The following FOXP4 variants were observed in gnomAD, a reference collection of about 807,000 sequenced individuals.
The protein encoded by FOXP4 is forkhead box protein P4.
In FOXP4, 25 loss-of-function variants were observed where a neutral mutation model predicts 82.6. The ratio of observed to expected loss-of-function variants is 0.30; its 90% CI spans 0.22 to 0.42. The LOEUF (loss-of-function observed/expected upper bound fraction) is 0.42, where lower values mean the gene tolerates loss of function less well. FOXP4 is among the 10% of genes least tolerant of loss of function. The pLI is 1.00. For missense variants in FOXP4, 785 were observed against 900.9 expected (o/e 0.87, Z 1.65); for synonymous variants, 415 against 388.2 (o/e 1.07, Z -0.81).
At chr6:41,596,862 G>A (rs1292088525) in intron 14 of FOXP4, among the ~76,000 whole-genome samples, 6 of 151,994 alleles carry the variant, frequency 3.9e-5, no homozygotes, top group African/African-American at 1.5e-4. Flanking sequence ...GGGTGGGGGG[G>A]CAGCATGCTG....
At chr6:41,595,295 G>A (rs541288765) in intron 14 of FOXP4, among the ~76,000 whole-genome samples, 1 of 152,378 alleles carries the variant, frequency 6.6e-6, no homozygotes, top group South Asian at 2.1e-4. Flanking sequence ...CCTGGCCAGA[G>A]CTGGCACACA....
rs750082991 is a variant in FOXP4 at position 41,590,065 on chromosome 6, C to T, written c.1252C>T (p.Pro418Ser). 2 of 1,613,936 alleles carry T rather than the reference C, an allele frequency of 1.2e-6. No individual in the cohort carries two copies. Among genetic ancestry groups the T allele is most frequent in the Non-Finnish European group, 8.5e-7 (1 of 1,179,974 alleles). Reference protein sequence around the residue: ...LVHPPTSAAAPVTPLRPPGLG... With the variant: ...LVHPPTSAAASVTPLRPPGLG... ...GCACCCCCCGACCTCGGCCGCAGCCCCTGTCACCCCTCTACGGCCCCCTGG... is the reference window on the plus strand; with the variant it reads ...GCACCCCCCGACCTCGGCCGCAGCCTCTGTCACCCCTCTACGGCCCCCTGG... The change falls in exon 11 of 17, where the codon CCT becomes TCT. Residue 418 changes from proline to serine, a missense_variant. Pro to Ser is a moderately conservative substitution (Grantham distance 74). This residue lies in a region of FOXP4 where 570 missense variants were observed against 634.0 expected (regional missense o/e 0.90). Coordinates refer to ENST00000307972, the MANE Select transcript of FOXP4 (RefSeq NM_001012426.2).
At position 41,598,846 on chromosome 6, in the gene FOXP4, G is replaced by A. The variant is rs771472062; in HGVS notation, c.1953G>A (p.Gly651=). ...AGGCAGAGGAAGACAGGCAGCCCGG[G>A]CCTCCCCTGGGCGCCCCTAACCCCA... is the stretch of plus-strand genomic sequence containing the variant. ...PAEAEEDRQP[G]PPLGAPNPSA... is the part of the protein sequence containing the mutation. The change falls in exon 17 of 17, where the codon GGG becomes GGA. Residue 651 remains glycine, a synonymous_variant. Coordinates refer to ENST00000307972, the MANE Select transcript of FOXP4 (RefSeq NM_001012426.2). 9 of 1,585,908 alleles carry A rather than the reference G, an allele frequency of 5.7e-6. No homozygotes were observed. The highest frequency in any genetic ancestry group is 6.9e-6 in the Non-Finnish European group (8 of 1,167,496).
Position 41,599,066 on chromosome 6 carries a change from C to A in FOXP4, c.*130C>A. 1.6e-6 allele frequency: 2 copies of A among 1,258,686 alleles called. No individual in the cohort carries two copies. The highest frequency in any genetic ancestry group is 2.2e-6 in the Non-Finnish European group (2 of 928,434). The allele number at this position is 1,258,686 out of a possible 1,614,324, so 78.0% of individuals were successfully genotyped here. A position where few individuals can be genotyped will look rare whatever the true frequency, so the allele number is the denominator to read the frequency against. ...AGGACTCAGACCGGGGAGGCCCGGG[C>A]CAGCAGCTCCCAGTGTGACCTGACA... On this transcript the variant is annotated 3_prime_UTR_variant, in exon 17 of 17. Transcript: ENST00000307972.
At chr6:41,581,755 A>C (rs1000289149) in intron 3 of FOXP4, among the ~76,000 whole-genome samples, 2 of 152,206 alleles carry the variant, frequency 1.3e-5, no homozygotes, top group African/African-American at 4.8e-5. Context: ...ATCCATCCAG[A>C]TCTCTGTAGC....
intron 2 of FOXP4, among the ~76,000 whole-genome samples, chr6:41,576,895 C>T (rs1371826359): frequency 1.3e-5 from 2 of 152,174 alleles, no homozygotes; most frequent in African/African-American, 4.8e-5. Flanking sequence ...CACTGGCTCC[C>T]AAGGGGGTCT....
At chr6:41,575,037 C>T (rs934575173) in intron 2 of FOXP4, among the ~76,000 whole-genome samples, 42 of 152,136 alleles carry the variant, frequency 2.8e-4, no homozygotes, top group South Asian at 2.1e-4. Flanking sequence ...GGTGCCACCT[C>T]GGCTCACTGC....
intron 5 of FOXP4, among the ~76,000 whole-genome samples, 187 bp downstream of exon 5, chr6:41,585,704 A>G (rs557352237): frequency 6.6e-6 from 1 of 152,094 alleles, no homozygotes; most frequent in South Asian, 2.1e-4. Context: ...ATCTCCCCTC[A>G]TCCCCATTCA....
At chr6:41,551,351 C>G (rs1203028084) in intron 1 of FOXP4, among the ~76,000 whole-genome samples, 1 of 152,192 alleles carries the variant, frequency 6.6e-6, no homozygotes, top group Admixed American at 6.5e-5. Context: ...GATCCTGGTC[C>G]CAGGATCCCT....
Position 41,593,052 on chromosome 6 carries a change from C to T in FOXP4, c.1536+1730C>T, listed in dbSNP as rs1328254347. Among the ~76,000 whole-genome samples, 3 of 152,196 alleles carry T rather than the reference C, an allele frequency of 2.0e-5. No individual in the cohort carries two copies. Among genetic ancestry groups the T allele is most frequent in the African/African-American group, 7.2e-5 (3 of 41,460 alleles). On this transcript the variant is annotated intron_variant, in intron 13 of 16. Transcript: ENST00000307972. This position sits in a 1 kb window ranked among gnomAD's most constrained non-coding sequence, Gnocchi z 4.1. ...CTGAGGCCACTGCCTGAGCCTTCCTCATGGCACAGCAGAATCCATCCAGCT... is the reference window on the plus strand; with the variant it reads ...CTGAGGCCACTGCCTGAGCCTTCCTTATGGCACAGCAGAATCCATCCAGCT...
chr6:41,580,798 C>T (rs1765755042), intron 3 of FOXP4, among the ~76,000 whole-genome samples: 1 of 152,150 alleles, frequency 6.6e-6, no homozygotes, highest in African/African-American at 2.4e-5. Flanking sequence ...GAAGGGAGAT[C>T]AAGCGCAGCT....
Position 41,558,925 on chromosome 6 carries a change from G to A in FOXP4, c.-16-6820G>A, listed in dbSNP as rs1284078812. Among the ~76,000 whole-genome samples, 1 of 152,230 alleles carries A rather than the reference G, an allele frequency of 6.6e-6. No homozygotes were observed. The highest frequency in any genetic ancestry group is 1.5e-5 in the Non-Finnish European group (1 of 68,046). ...AGAAGGAACTAGAAGACATCCTTGT[G>A]CTCTGGTATCCACATGTGTATCTTT... On this transcript the variant is annotated intron_variant, in intron 1 of 16. Transcript: ENST00000307972. The surrounding 1 kb of genome is among the most constrained non-coding windows in gnomAD (Gnocchi z 4.0).
chr6:41,568,536 G>T (rs368857853), intron 2 of FOXP4, among the ~76,000 whole-genome samples: 1 of 152,222 alleles, frequency 6.6e-6, no homozygotes, highest in South Asian at 2.1e-4. Context: ...GAGTAAATTA[G>T]AGCATTTCAT....
At chr6:41,590,452 G>A in intron 12 of FOXP4, 105 bp downstream of exon 12, 1 of 1,219,494 alleles carries the variant, frequency 8.2e-7, no homozygotes, top group Non-Finnish European at 1.2e-6. Flanking sequence ...AAGCAATGGA[G>A]CTGTCCCGCT....
intron 2 of FOXP4, among the ~76,000 whole-genome samples, chr6:41,576,129 C>G (rs1363816585): frequency 6.7e-6 from 1 of 148,480 alleles, no homozygotes; most frequent in Non-Finnish European, 1.5e-5. Context: ...TGAAGTGAAT[C>G]TGGAAGAGGA....
At chr6:41,565,598 G>T (rs1764828021) in intron 1 of FOXP4, 147 bp from the exon 2 acceptor site, 2 of 699,206 alleles carry the variant, frequency 2.9e-6, no homozygotes, top group Non-Finnish European at 4.8e-6. Context: ...ATTCCATCAG[G>T]CATCCCAGGA....
intron 2 of FOXP4, among the ~76,000 whole-genome samples, chr6:41,574,769 G>A (rs547115376): frequency 6.6e-6 from 1 of 152,288 alleles, no homozygotes; most frequent in South Asian, 2.1e-4. Context: ...TGGTGCAGCA[G>A]CGTGGTCGAT....
In FOXP4 at chr6:41,587,348, C is replaced by T. The variant is rs199781164; in HGVS notation, c.708C>T (p.Ala236=). The T allele has an allele frequency of 6.2e-7, 1 of 1,610,842 alleles. No homozygotes were observed. Among genetic ancestry groups the T allele is most frequent in the Non-Finnish European group, 8.5e-7 (1 of 1,178,418 alleles). The change falls in exon 7 of 17, where the codon GCC becomes GCT. Residue 236 remains alanine (A), a synonymous_variant. Transcript: ENST00000307972. Reference sequence around the variant, plus strand: ...CCCAGCTGTGGAAGGGCGAGGGTGCCCCCGGGCAGCCTGCCGAGGACAGCG... The same window carrying T: ...CCCAGCTGTGGAAGGGCGAGGGTGCTCCCGGGCAGCCTGCCGAGGACAGCG... ...DLPQLWKGEG[A]PGQPAEDSVK...
intron 14 of FOXP4, among the ~76,000 whole-genome samples, chr6:41,595,342 G>C (rs1766770324): frequency 6.6e-6 from 1 of 151,944 alleles, no homozygotes; most frequent in Non-Finnish European, 1.5e-5. Flanking sequence ...GTGAGGGGCT[G>C]CCACCCCCAG....
Sources: gnomAD v4.1 joint callset for allele counts (sites outside exome capture counted in the v4.1 genomes callset) on GRCh38, gnomAD v4.1.1 for gene constraint, gnomAD v4.1.1 regional missense constraint, Gnocchi (gnomAD v3.1) non-coding constraint, MANE v1.5 for transcripts, NCBI Gene and HGNC (gene_info 2026-07-23, HGNC 2026-07-21) for gene names.